The following GPC4 variants were observed in gnomAD, a reference collection of about 807,000 sequenced individuals.
GPC4 encodes the protein glypican 4.
A neutral mutation model predicts 35.0 loss-of-function variants in GPC4; 10 were observed. The ratio of observed to expected loss-of-function variants is 0.29; its 90% CI spans 0.18 to 0.48. GPC4 has a LOEUF of 0.48. Among genes scored for constraint, GPC4 ranks in the 20% least tolerant of loss-of-function variants. The probability of loss-of-function intolerance (pLI) is 0.99; values close to 1 mark genes in which losing one functional copy is unlikely to be tolerated. For missense variants in GPC4, 322 were observed against 451.3 expected (o/e 0.71, Z 2.60); for synonymous variants, 167 against 170.2 (o/e 0.98, Z 0.15).
intron 1 of GPC4, among the ~76,000 whole-genome samples, chrX:133,357,918 T>C (rs939369618): frequency 1.8e-5 from 2 of 112,255 alleles, no homozygotes; most frequent in African/African-American, 3.2e-5. Flanking sequence ...AGTTCAGCTA[T>C]GTTTAACCAA....
At chrX:133,414,528 G>A (rs1217012377) in intron 1 of GPC4, 81 of 752,251 alleles carry the variant, frequency 1.1e-4, no homozygotes, top group Non-Finnish European at 1.3e-4. Context: ...GAGGAGGAGC[G>A]GAGGCGGGGA....
intron 7 of GPC4, among the ~76,000 whole-genome samples, chrX:133,304,413 G>A (rs770687408): frequency 1.8e-5 from 2 of 112,067 alleles, no homozygotes; most frequent in East Asian, 5.6e-4. Context: ...TTATTTATGA[G>A]GCTAGGCCAT....
chrX:133,305,787 A>G lies in GPC4; in HGVS notation c.1140T>C (p.Thr380=). The G allele has an allele frequency of 8.3e-7, 1 of 1,211,796 alleles. No homozygotes were observed. The highest frequency in any genetic ancestry group is 1.8e-5 in the South Asian group (1 of 56,955). Residue 380 remains threonine, a synonymous_variant, in exon 6 of 9, where the codon ACT becomes ACC. Transcript: ENST00000370828. The stretch of plus-strand genomic sequence containing the variant: ...AAACGCTCACCAGTCGGTCCAAACT[A>G]GTGCCAGCTGCTGTGGTTGGGCGTT... ...PEERPTTAAG[T]SLDRLVTDVK...
Position 133,324,134 on chromosome X carries a change from G to A in GPC4, c.711+11C>T. On this transcript the variant is annotated intron_variant, in intron 3 of 8. Transcript: ENST00000370828. ...AACAAAAACAAAACAGAGAAGACAA[G>A]GAGTACTTACCACGGAGACCTTGCT... 1 of 1,177,873 alleles carries A rather than the reference G, an allele frequency of 8.5e-7. No individual in the cohort carries two copies. The highest frequency in any genetic ancestry group is 2.0e-5 in the South Asian group (1 of 51,271).
intron 3 of GPC4, among the ~76,000 whole-genome samples, chrX:133,315,119 T>C (rs1276898247): frequency 9.1e-6 from 1 of 109,618 alleles, no homozygotes; most frequent in African/African-American, 3.3e-5. Context: ...TTTTTTTTTT[T>C]TTTTGGATTT....
At chrX:133,308,084 C>A (rs1278968079) in intron 4 of GPC4, among the ~76,000 whole-genome samples, 1 of 112,007 alleles carries the variant, frequency 8.9e-6, no homozygotes, top group Non-Finnish European at 1.9e-5. Context: ...AGCCCGGGAG[C>A]CAAAGCTGCC....
At chrX:133,313,317 G>A (rs1366844411) in intron 3 of GPC4, among the ~76,000 whole-genome samples, 2 of 112,864 alleles carry the variant, frequency 1.8e-5, no homozygotes, top group African/African-American at 3.2e-5. Flanking sequence ...GGGGGAATAC[G>A]TGTAACAATA....
chrX:133,351,833 G>A (rs2068517574), intron 1 of GPC4, among the ~76,000 whole-genome samples: 1 of 112,281 alleles, frequency 8.9e-6, no homozygotes, highest in Admixed American at 9.5e-5. Context: ...CCAAGTCTAA[G>A]TCAAAGATTT....
intron 1 of GPC4, among the ~76,000 whole-genome samples, chrX:133,398,441 T>C (rs746609948): frequency 7.2e-5 from 8 of 111,825 alleles, no homozygotes; most frequent in Non-Finnish European, 1.1e-4. Flanking sequence ...GGGTTCCTCA[T>C]TAGGACTTTG....
At chrX:133,414,659 C>T in intron 1 of GPC4, 147 bp downstream of exon 1, 1 of 1,106,871 alleles carries the variant, frequency 9.0e-7, no homozygotes, top group Non-Finnish European at 1.2e-6. Context: ...CTCTCTCGCT[C>T]GCTCGCTCCT....
At chrX:133,319,999 T>A (rs902815455) in intron 3 of GPC4, among the ~76,000 whole-genome samples, 2 of 111,919 alleles carry the variant, frequency 1.8e-5, no homozygotes, top group Admixed American at 1.9e-4. Context: ...GATGCCTATA[T>A]GCTTTATTCA....
chrX:133,360,463 G>C (rs778437845), intron 1 of GPC4, among the ~76,000 whole-genome samples: 7 of 110,371 alleles, frequency 6.3e-5, no homozygotes, highest in Non-Finnish European at 1.3e-4. Context: ...TAGAAGTATA[G>C]CAATGGCTTG....
rs763800349 is a variant in GPC4 at position 133,347,248 on chromosome X, G to GTTTTTTTTTTTTT, written c.161-7920_161-7908dup. ...TAAATCTAAAACTCTTCTATTAGAA[G>GTTTTTTTTTTTTT]TTTTTTTTTTTTTTTTTTTTTTTTT... On this transcript the variant is annotated intron_variant, in intron 1 of 8. Transcript: ENST00000370828. Among the ~76,000 whole-genome samples, 6 of 25,415 alleles carry GTTTTTTTTTTTTT rather than the reference G, an allele frequency of 2.4e-4. 1 individual carries two copies. Among genetic ancestry groups the GTTTTTTTTTTTTT allele is most frequent in the African/African-American group, 5.6e-4 (4 of 7,183 alleles). The allele number at this position is 25,415 out of a possible 115,157, so 22.1% of individuals were successfully genotyped here.
chrX:133,346,166 T>A, intron 1 of GPC4, among the ~76,000 whole-genome samples: 1 of 111,565 alleles, frequency 9.0e-6, no homozygotes, highest in Non-Finnish European at 1.9e-5. Context: ...TCAATTTTCC[T>A]CCTGCCATGC....
At chrX:133,327,652 T>A (rs982676140) in intron 2 of GPC4, among the ~76,000 whole-genome samples, 37 of 105,337 alleles carry the variant, frequency 3.5e-4, no homozygotes, top group African/African-American at 1.3e-3. Flanking sequence ...TGTGTGTGTG[T>A]GTGTGTGTGT....
intron 2 of GPC4, among the ~76,000 whole-genome samples, chrX:133,326,565 T>A (rs1391882045): frequency 2.7e-5 from 3 of 111,869 alleles, no homozygotes; most frequent in Non-Finnish European, 5.6e-5. Context: ...GATTCTGATA[T>A]ACCCTAAAGT....
Position 133,311,327 on chromosome X carries a change from A to C in GPC4, c.808T>G (p.Cys270Gly), listed in dbSNP as rs1052589280. Residue 270 changes from cysteine (C) to glycine (G), a missense_variant, in exon 4 of 9, where the codon TGC (cysteine) becomes GGC (glycine). By Grantham distance (159) the Cys-to-Gly change is radical. Around this residue, in one of 3 missense-constraint regions of GPC4, gnomAD observed 163 missense variants for 277.2 expected, o/e 0.59. Coordinates refer to ENST00000370828, the MANE Select transcript of GPC4 (RefSeq NM_001448.3). ...LVTVKPCYNY[C>G]SNIMRGCLAN... ...AAACAGCCTCTCATGATGTTTGAGC[A>C]GTAGTTGTAACATGGCTTCACAGTC... is the stretch of plus-strand genomic sequence containing the variant. 1 of 1,210,042 alleles carries C rather than the reference A, an allele frequency of 8.3e-7. No homozygotes were observed. The highest frequency in any genetic ancestry group is 1.1e-6 in the Non-Finnish European group (1 of 894,802).
intron 1 of GPC4, among the ~76,000 whole-genome samples, chrX:133,408,878 T>C (rs1265651122): frequency 1.8e-5 from 2 of 111,594 alleles, no homozygotes; most frequent in Non-Finnish European, 3.8e-5. Context: ...AGTGTTTAGA[T>C]ACAGGCCTGG....
chrX:133,396,903 T>C (rs1278225342), intron 1 of GPC4, among the ~76,000 whole-genome samples: 1 of 112,109 alleles, frequency 8.9e-6, no homozygotes, highest in Non-Finnish European at 1.9e-5. Context: ...AATAGTCTCT[T>C]TCCCTATGTA....
Sources: gnomAD v4.1 joint callset for allele counts (sites outside exome capture counted in the v4.1 genomes callset) on GRCh38, gnomAD v4.1.1 for gene constraint, gnomAD v4.1.1 regional missense constraint, MANE v1.5 for transcripts, NCBI Gene and HGNC (gene_info 2026-07-23, HGNC 2026-07-21) for gene names.